The following MAGI3 variants were observed in gnomAD, a reference collection of about 807,000 sequenced individuals.
MAGI3 encodes the protein membrane associated guanylate kinase, WW and PDZ domain containing 3.
In MAGI3, 43 loss-of-function variants were observed where a neutral mutation model predicts 121.8. That is an observed-to-expected ratio of 0.35 (90% CI 0.28 to 0.46). The LOEUF (loss-of-function observed/expected upper bound fraction) is 0.46, where lower values mean the gene tolerates loss of function less well. Among genes scored for constraint, MAGI3 ranks in the 20% least tolerant of loss-of-function variants. The pLI, the probability that MAGI3 is intolerant of heterozygous loss-of-function variation, is 1.00. For missense variants in MAGI3, 1,547 were observed against 1,797.3 expected, an observed-to-expected ratio of 0.86 and a Z score of 2.52; for synonymous variants, 553 against 639.3, an observed-to-expected ratio of 0.86 and a Z score of 2.04.
At chr1:113,551,399 T>G (rs764443985) in intron 2 of MAGI3, among the ~76,000 whole-genome samples, 1 of 152,230 alleles carries the variant, frequency 6.6e-6, no homozygotes, top group African/African-American at 2.4e-5. Context: ...AAAAATAAAG[T>G]GGACATCTGA....
At chr1:113,421,054 AT>A (rs765440057) in intron 1 of MAGI3, among the ~76,000 whole-genome samples, 12 of 151,466 alleles carry the variant, frequency 7.9e-5, no homozygotes, top group Non-Finnish European at 1.6e-4. Context: ...CTTGAAAGGT[AT>A]TTTTGCTGAA....
At chr1:113,521,427 A>G (rs1658193519) in intron 1 of MAGI3, among the ~76,000 whole-genome samples, 1 of 143,466 alleles carries the variant, frequency 7.0e-6, no homozygotes. Context: ...TTTGTTTTTA[A>G]GATGGGGACT....
chr1:113,406,935 C>T (rs1249530682), intron 1 of MAGI3, among the ~76,000 whole-genome samples: 1 of 152,066 alleles, frequency 6.6e-6, no homozygotes, highest in Non-Finnish European at 1.5e-5. Context: ...GGCATCTGCC[C>T]TCTGAAAATT....
intron 1 of MAGI3, among the ~76,000 whole-genome samples, chr1:113,393,870 A>G (rs1204524042): frequency 1.3e-5 from 2 of 152,202 alleles, no homozygotes; most frequent in Non-Finnish European, 2.9e-5. Flanking sequence ...TGTACTTAGC[A>G]CTCTCTTGTC....
intron 1 of MAGI3, among the ~76,000 whole-genome samples, chr1:113,448,573 C>T (rs1466445964): frequency 6.6e-6 from 1 of 152,186 alleles, no homozygotes; most frequent in East Asian, 1.9e-4. Flanking sequence ...GTTGCTGTGA[C>T]ATGCCTCCTC....
chr1:113,534,966 T>G (rs1658898521), intron 1 of MAGI3, among the ~76,000 whole-genome samples: 1 of 152,110 alleles, frequency 6.6e-6, no homozygotes, highest in Admixed American at 6.5e-5. Flanking sequence ...TGGGTCAGGG[T>G]AGAGGAACCA....
At chr1:113,470,119 A>G (rs1183975490) in intron 1 of MAGI3, among the ~76,000 whole-genome samples, 1 of 152,212 alleles carries the variant, frequency 6.6e-6, no homozygotes. Flanking sequence ...GATTCTAGGT[A>G]GAAAAATGAA....
chr1:113,557,479 G>A (rs1230278269), intron 2 of MAGI3, among the ~76,000 whole-genome samples: 6 of 152,042 alleles, frequency 3.9e-5, no homozygotes, highest in African/African-American at 9.7e-5. Flanking sequence ...ACTCTGATCC[G>A]CTCCTCATCT....
At chr1:113,596,626 A>G (rs750709108) in intron 6 of MAGI3, among the ~76,000 whole-genome samples, 8 of 152,212 alleles carry the variant, frequency 5.3e-5, no homozygotes, top group African/African-American at 1.4e-4. Context: ...TTACAACTCA[A>G]TAATATTGCC....
chr1:113,640,279 G>T (rs766922118), intron 9 of MAGI3, among the ~76,000 whole-genome samples: 2 of 142,454 alleles, frequency 1.4e-5, no homozygotes, highest in Non-Finnish European at 1.6e-5. Context: ...TACACTATTG[G>T]TGGGAGTATA....
At chr1:113,456,968 TATCTAGAA>T (rs1302199828) in intron 1 of MAGI3, among the ~76,000 whole-genome samples, 1 of 152,130 alleles carries the variant, frequency 6.6e-6, no homozygotes, top group African/African-American at 2.4e-5. Flanking sequence ...CGATTGGTTA[TATCTAGAA>T]ACCAAAGAGA....
chr1:113,591,926 A>G (rs1292057984), intron 5 of MAGI3, among the ~76,000 whole-genome samples: 1 of 152,146 alleles, frequency 6.6e-6, no homozygotes, highest in African/African-American at 2.4e-5. Flanking sequence ...TTATAGTTTA[A>G]TATATGTAAA....
chr1:113,629,391 G>A (rs1464024633), intron 9 of MAGI3, among the ~76,000 whole-genome samples: 1 of 152,130 alleles, frequency 6.6e-6, no homozygotes, highest in Admixed American at 6.5e-5. Flanking sequence ...TATCTGAAAG[G>A]TCACATATCT....
At chr1:113,401,516 C>T (rs186543318) in intron 1 of MAGI3, among the ~76,000 whole-genome samples, 9 of 151,918 alleles carry the variant, frequency 5.9e-5, no homozygotes, top group Admixed American at 3.3e-4. Flanking sequence ...ATTTTTATTG[C>T]GGAAAATATT....
At chr1:113,518,394 C>A (rs377014698) in intron 1 of MAGI3, among the ~76,000 whole-genome samples, 1 of 152,028 alleles carries the variant, frequency 6.6e-6, no homozygotes, top group Non-Finnish European at 1.5e-5. Context: ...TTACCTCATA[C>A]TTAGTTCCTT....
chr1:113,503,707 A>G (rs1657164783), intron 1 of MAGI3, among the ~76,000 whole-genome samples: 1 of 152,142 alleles, frequency 6.6e-6, no homozygotes, highest in African/African-American at 2.4e-5. Flanking sequence ...GATACTAAGA[A>G]CATTACACTT....
chr1:113,651,140 C>T lies in MAGI3; in HGVS notation c.2374C>T (p.Leu792Phe). The change falls in exon 14 of 21, where the codon CTC becomes TTC. Residue 792 changes from leucine (L) to phenylalanine (F), a missense_variant. Transcript: ENST00000307546. ...KGKSHKQVLD[L>F]MTTAARNGHV... ...GAAATCACACAAACAAGTCTTGGAC[C>T]TCATGACAACTGCTGCTCGAAATGG... 6.2e-7 allele frequency: 1 copy of T among 1,614,080 alleles called. No homozygotes were observed. Among genetic ancestry groups the T allele is most frequent in the Non-Finnish European group, 8.5e-7 (1 of 1,180,012 alleles).
intron 1 of MAGI3, among the ~76,000 whole-genome samples, chr1:113,416,394 ATTATTAAT>A (rs1162394384): frequency 1.0e-5 from 1 of 99,642 alleles, no homozygotes; most frequent in Non-Finnish European, 2.0e-5. Context: ...ATATATATTA[ATTATTAAT>A]TAATTAATAA....
Position 113,684,095 on chromosome 1 carries a change from T to C in MAGI3, c.*81T>C, listed in dbSNP as rs1227251421. The C allele has an allele frequency of 2.2e-6, 3 of 1,375,488 alleles. No homozygotes were observed. Among genetic ancestry groups the C allele is most frequent in the Non-Finnish European group, 2.9e-6 (3 of 1,037,346 alleles). The allele number at this position is 1,375,488 out of a possible 1,614,324, so 85.2% of individuals were successfully genotyped here. A position where few individuals can be genotyped will look rare whatever the true frequency, so the allele number is the denominator to read the frequency against. ...TTCCAGAAAAAGCCTTTTTTTTTTT[T>C]TCAGATATTCTGAAACAGATAAGTA... On this transcript the variant is annotated 3_prime_UTR_variant, in exon 21 of 21. Transcript: ENST00000307546.
Sources: allele counts gnomAD v4.1 joint callset (sites outside exome capture counted in the v4.1 genomes callset), GRCh38; gene constraint gnomAD v4.1.1; transcripts MANE v1.5; gene names NCBI Gene and HGNC (gene_info 2026-07-23, HGNC 2026-07-21).